ACSL1: variants seen among roughly 807,000 people sequenced by gnomAD.
ACSL1 encodes acyl-CoA synthetase long chain family member 1, also known as long-chain-fatty-acid--CoA ligase 1.
Under a neutral mutation model 98.4 loss-of-function variants are expected in ACSL1, and 41 were observed. The observed-to-expected ratio is 0.42, with a 90% CI of 0.32 to 0.54. ACSL1 has a LOEUF of 0.54. Among genes scored for constraint, ACSL1 ranks in the 20% least tolerant of loss-of-function variants. The pLI is 0.13. For synonymous variants in ACSL1, 316 were observed against 322.7 expected (o/e 0.98, Z 0.22); for missense variants, 734 against 883.1 (o/e 0.83, Z 2.14).
Position 184,766,740 on chromosome 4 carries a change from T to C in ACSL1, c.1145A>G (p.Asn382Ser). 8 of 1,612,256 alleles carry C rather than the reference T, an allele frequency of 5.0e-6. No individual in the cohort carries two copies. The highest frequency in any genetic ancestry group is 5.9e-6 in the Non-Finnish European group (7 of 1,178,494). ...RMFDRIFGQA[N>S]TTLKRWLLDF... is the part of the protein sequence containing the mutation. ...CAAGAGCCATCGCTTCAGCGTGGTG[T>C]TTGCTTGTCCGAAAATCTAATGAGG... is the stretch of plus-strand genomic sequence containing the variant. The change falls in exon 13 of 21, where the codon AAC becomes AGC. Residue 382 changes from asparagine (N) to serine (S), a missense_variant. Asn to Ser is a conservative substitution (Grantham distance 46). Transcript: ENST00000281455. This position sits in a 1 kb window ranked among gnomAD's most constrained non-coding sequence, Gnocchi z 4.8.
intron 2 of ACSL1, among the ~76,000 whole-genome samples, chr4:184,796,505 A>AG (rs1769391633): frequency 6.6e-6 from 1 of 152,242 alleles, no homozygotes; most frequent in Non-Finnish European, 1.5e-5. Flanking sequence ...TAGAATTAAA[A>AG]GGGGAAATCT....
At chr4:184,768,287 G>A in intron 12 of ACSL1, 29 bp downstream of exon 12, 1 of 1,605,486 alleles carries the variant, frequency 6.2e-7, no homozygotes. Flanking sequence ...TCAGTGCTCA[G>A]TCCTGGGACT....
At chr4:184,774,589 A>G (rs778248843) in intron 7 of ACSL1, among the ~76,000 whole-genome samples, 60 of 152,186 alleles carry the variant, frequency 3.9e-4, no homozygotes, top group African/African-American at 1.4e-3. Context: ...GGTTCGGTTT[A>G]CTGCATTAGG....
chr4:184,790,463 T>C (rs1489265406), intron 2 of ACSL1, among the ~76,000 whole-genome samples: 1 of 152,220 alleles, frequency 6.6e-6, no homozygotes, highest in Non-Finnish European at 1.5e-5. Context: ...GCTAATAGTT[T>C]TCTGGAGTAA....
intron 1 of ACSL1, among the ~76,000 whole-genome samples, chr4:184,815,823 T>C (rs1772576470): frequency 6.6e-6 from 1 of 152,012 alleles, no homozygotes. Flanking sequence ...GCTGTTACTT[T>C]AAAAAGCAGA....
chr4:184,825,085 A>AG lies in ACSL1; in HGVS notation c.-33+830dup. On this transcript the variant is annotated intron_variant, in intron 1 of 20. Coordinates refer to ENST00000281455, the MANE Select transcript of ACSL1 (RefSeq NM_001995.5). This position sits in a 1 kb window ranked among gnomAD's most constrained non-coding sequence, Gnocchi z 4.7. The stretch of plus-strand genomic sequence containing the variant: ...AGCCAGGGCACTAGAGAACGCTTTT[A>AG]GAATGGTCACTCTTAATTATGCTCC... 1 of 794,138 alleles carries AG rather than the reference A, an allele frequency of 1.3e-6. No individual in the cohort carries two copies. Among genetic ancestry groups the AG allele is most frequent in the Non-Finnish European group, 1.5e-6 (1 of 655,346 alleles). 49.2% of individuals were successfully genotyped at this position (794,138 alleles called of 1,614,324 possible).
chr4:184,821,380 C>G (rs1241049266), intron 1 of ACSL1: 5 of 259,734 alleles, frequency 1.9e-5, no homozygotes, highest in Non-Finnish European at 4.0e-5. Flanking sequence ...TCTATAGCAG[C>G]CAAAGCTGTG....
intron 1 of ACSL1, among the ~76,000 whole-genome samples, chr4:184,817,350 A>G (rs919002250): frequency 5.3e-5 from 8 of 152,198 alleles, no homozygotes; most frequent in African/African-American, 1.9e-4. Context: ...ACCATATACA[A>G]GTATTTTCTG....
At chr4:184,814,215 C>T (rs1213328057) in intron 1 of ACSL1, among the ~76,000 whole-genome samples, 2 of 136,902 alleles carry the variant, frequency 1.5e-5, no homozygotes, top group East Asian at 2.3e-4. Context: ...GGCATGAACC[C>T]GGGAGGCGGA....
chr4:184,808,788 C>T (rs1053646249), intron 1 of ACSL1, among the ~76,000 whole-genome samples: 9 of 152,210 alleles, frequency 5.9e-5, no homozygotes, highest in Admixed American at 2.0e-4. Flanking sequence ...AGCAGTCAGG[C>T]TCTCCCTAGA....
intron 4 of ACSL1, 135 bp from the exon 5 acceptor site, chr4:184,780,568 C>A: frequency 3.4e-6 from 2 of 582,084 alleles, no homozygotes; most frequent in South Asian, 2.1e-5. Flanking sequence ...TGCAGGTATT[C>A]CTTTATTGAT....
In ACSL1 at chr4:184,762,452, G is replaced by A. The variant is rs758426482; in HGVS notation, c.1593C>T (p.Asp531=). ...KDPAKTAEAL[D]KDGWLHTGDI... ...CCCCTGTGTGTAACCAGCCGTCTTTGTCCAAAGCTTCTGCTGTTTTCGCTG... is the reference window on the plus strand; with the variant it reads ...CCCCTGTGTGTAACCAGCCGTCTTTATCCAAAGCTTCTGCTGTTTTCGCTG... Residue 531 remains aspartate (D), a synonymous_variant, in exon 17 of 21, where the codon GAC becomes GAT. Transcript: ENST00000281455. The A allele has an allele frequency of 2.5e-6, 4 of 1,614,242 alleles. No individual in the cohort carries two copies. Among genetic ancestry groups the A allele is most frequent in the Non-Finnish European group, 2.5e-6 (3 of 1,180,048 alleles).
In ACSL1 at chr4:184,773,488, C is replaced by T. The variant is rs1764810735; in HGVS notation, c.841+175G>A. ...AATAAATGTTTGAGGAATTATCCGG[C>T]ACTCTTGGACTCTGAGAAGATCTTA... On this transcript the variant is annotated intron_variant, in intron 9 of 20. Coordinates refer to ENST00000281455, the MANE Select transcript of ACSL1 (RefSeq NM_001995.5). This position sits in a 1 kb window ranked among gnomAD's most constrained non-coding sequence, Gnocchi z 4.3. Among the ~76,000 whole-genome samples, 1 of 152,158 alleles carries T rather than the reference C, an allele frequency of 6.6e-6. No homozygotes were observed. The highest frequency in any genetic ancestry group is 2.4e-5 in the African/African-American group (1 of 41,438).
chr4:184,763,071 G>A, intron 16 of ACSL1, 96 bp downstream of exon 16: 2 of 1,253,274 alleles, frequency 1.6e-6, no homozygotes, highest in Non-Finnish European at 2.2e-6. Flanking sequence ...AAGTTCAATG[G>A]CTTTATTGAG....
Position 184,757,328 on chromosome 4 carries a change from G to T in ACSL1, c.1957-63C>A. 1 of 1,543,334 alleles carries T rather than the reference G, an allele frequency of 6.5e-7. No homozygotes were observed. The highest frequency in any genetic ancestry group is 8.8e-7 in the Non-Finnish European group (1 of 1,138,692). On this transcript the variant is annotated intron_variant, in intron 20 of 20. Coordinates refer to ENST00000281455, the MANE Select transcript of ACSL1 (RefSeq NM_001995.5). This position sits in a 1 kb window ranked among gnomAD's most constrained non-coding sequence, Gnocchi z 4.5. ...CACGGGCCACCAGTCTCAAAAGCAC[G>T]TAAGCCTTGGAGGGGATCAACACTC... is the stretch of plus-strand genomic sequence containing the variant.
Position 184,776,490 on chromosome 4 carries a change from C to T in ACSL1, c.750G>A (p.Ala250=), listed in dbSNP as rs752680675. Residue 250 remains alanine (A), a synonymous_variant, in exon 7 of 21, where the codon GCG becomes GCA. Transcript: ENST00000281455. The stretch of plus-strand genomic sequence containing the variant: ...AAGGAGGCAGGGCACTCACCTCCAT[C>T]GCCTTCATGCTGGTGACTTCCACCC... ...RCGVEVTSMK[A]MEDLGRANRR... is the part of the protein sequence containing the mutation. The T allele has an allele frequency of 9.3e-6, 15 of 1,611,804 alleles. No homozygotes were observed. The highest frequency in any genetic ancestry group is 3.4e-5 in the Admixed American group (2 of 59,648).
chr4:184,805,944 C>T (rs187073784), intron 1 of ACSL1, among the ~76,000 whole-genome samples: 6 of 152,194 alleles, frequency 3.9e-5, no homozygotes, highest in Non-Finnish European at 5.9e-5. Context: ...GATAGGATGC[C>T]GGGTGGTATG....
At chr4:184,786,692 CTTT>C (rs34391801) in intron 3 of ACSL1, among the ~76,000 whole-genome samples, 380 of 123,790 alleles carry the variant, frequency 3.1e-3, no homozygotes, top group African/African-American at 8.3e-3. Context: ...TAGGCACTTT[CTTT>C]TTTTTTTTTT....
chr4:184,761,226 T>C (rs1043084873), intron 17 of ACSL1, among the ~76,000 whole-genome samples: 1 of 152,196 alleles, frequency 6.6e-6, no homozygotes, highest in Non-Finnish European at 1.5e-5. Flanking sequence ...ATGGGATGTG[T>C]TCGTGAGTGC....
Sources: gnomAD v4.1 joint callset for allele counts (sites outside exome capture counted in the v4.1 genomes callset) on GRCh38, gnomAD v4.1.1 for gene constraint, Gnocchi (gnomAD v3.1) non-coding constraint, MANE v1.5 for transcripts, NCBI Gene and HGNC (gene_info 2026-07-23, HGNC 2026-07-21) for gene names.